ADGRE5: variants seen among roughly 807,000 people sequenced by gnomAD.
ADGRE5 encodes adhesion G protein-coupled receptor E5, also known as CD97 molecule.
A neutral mutation model predicts 100.3 loss-of-function variants in ADGRE5; 72 were observed. The ratio of observed to expected loss-of-function variants is 0.72; its 90% CI spans 0.59 to 0.87. The LOEUF is 0.87. ADGRE5 is among the 40% of genes least tolerant of loss of function. The probability of loss-of-function intolerance (pLI) is 0.00; values close to 1 mark genes in which losing one functional copy is unlikely to be tolerated. For synonymous variants in ADGRE5, 439 were observed against 447.8 expected (o/e 0.98, Z 0.25); for missense variants, 959 against 1,094.7 (o/e 0.88, Z 1.75).
Position 14,408,437 on chromosome 19 carries a change from C to A in ADGRE5, c.*316C>A, listed in dbSNP as rs1976379555. The A allele has an allele frequency of 7.0e-6, 4 of 573,068 alleles. No homozygotes were observed. In the East Asian group the frequency reaches 1.2e-4, roughly 17 times the overall value. The allele number at this position is 573,068 out of a possible 1,614,324, so 35.5% of individuals were successfully genotyped here. On this transcript the variant is annotated 3_prime_UTR_variant, in exon 20 of 20. Coordinates refer to ENST00000242786, the MANE Select transcript of ADGRE5 (RefSeq NM_078481.4). ...ACCTGTGGCCAGTACTCGGGACAGACTAAGGGCGCTTGTCCCATCCTGGAC... is the reference window on the plus strand; with the variant it reads ...ACCTGTGGCCAGTACTCGGGACAGAATAAGGGCGCTTGTCCCATCCTGGAC...
At chr19:14,404,205 A>C (rs925487084) in intron 12 of ADGRE5, among the ~76,000 whole-genome samples, 178 bp from the exon 13 acceptor site, 7 of 152,214 alleles carry the variant, frequency 4.6e-5, no homozygotes, top group Middle Eastern at 3.4e-3. Flanking sequence ...TGTCAACCTC[A>C]CAAGGGTAGG....
rs1447856696 is a variant in ADGRE5 at position 14,391,164 on chromosome 19, G to A, written c.346+85G>A. 3 of 1,574,840 alleles carry A rather than the reference G, an allele frequency of 1.9e-6. No homozygotes were observed. The Admixed American group carries it at 5.1e-5, about 27-fold the overall frequency. ...ATTCTGGCAGCATCCAGAGAGCAGG[G>A]CCTTGGTTGTAGGGTCAGTGCCTGG... On this transcript the variant is annotated intron_variant, in intron 4 of 19. Coordinates refer to ENST00000242786, the MANE Select transcript of ADGRE5 (RefSeq NM_078481.4).
Position 14,381,565 on chromosome 19 carries a change from G to C in ADGRE5, c.22+20G>C, listed in dbSNP as rs1212351380. The C allele has an allele frequency of 1.9e-6, 3 of 1,596,146 alleles. No homozygotes were observed. Among genetic ancestry groups the C allele is most frequent in the African/African-American group, 1.4e-5 (1 of 73,034 alleles). ...TTCTCGGTAAGTACTTTGGGGCCCC[G>C]CTGGGAGGGGCGAGGAAGCTCCAGC... On this transcript the variant is annotated intron_variant, in intron 1 of 19. Transcript: ENST00000242786.
chr19:14,407,905 C>T lies in ADGRE5; in HGVS notation c.2377-3C>T. On this transcript the variant is annotated splice_region_variant and splice_polypyrimidine_tract_variant and intron_variant, in intron 18 of 19. Coordinates refer to ENST00000242786, the MANE Select transcript of ADGRE5 (RefSeq NM_078481.4). ...TGCCCTGACTTGGTGTCTGGGCCGG[C>T]AGGTTCGGGAAGAATACCGGAAGTG... 3 of 1,613,782 alleles carry T rather than the reference C, an allele frequency of 1.9e-6. No individual in the cohort carries two copies. Among genetic ancestry groups the T allele is most frequent in the South Asian group, 2.2e-5 (2 of 91,054 alleles).
chr19:14,389,360 A>AAGGGGGAAGGGGAGGGGGG, intron 3 of ADGRE5, among the ~76,000 whole-genome samples: 1 of 36,002 alleles, frequency 2.8e-5, no homozygotes, highest in East Asian at 1.2e-3. Context: ...GGGGAGGGGG[A>AAGGGGGAAGGGGAGGGGGG]TGAGGAGGGA....
chr19:14,398,801 CT>C (rs984624355), intron 9 of ADGRE5, among the ~76,000 whole-genome samples: 6 of 149,116 alleles, frequency 4.0e-5, no homozygotes, highest in Admixed American at 4.0e-4. Context: ...GTTTTCTCAT[CT>C]GTTTTGGGGG....
At chr19:14,390,571 G>T (rs540225062) in intron 3 of ADGRE5, among the ~76,000 whole-genome samples, 14 of 152,068 alleles carry the variant, frequency 9.2e-5, no homozygotes, top group Non-Finnish European at 1.3e-4. Flanking sequence ...GGATCCACCT[G>T]CCTCAGCCTC....
chr19:14,387,445 T>C (rs1376254218), intron 1 of ADGRE5, among the ~76,000 whole-genome samples: 2 of 152,126 alleles, frequency 1.3e-5, no homozygotes, highest in Admixed American at 6.5e-5. Context: ...GAATTATTTT[T>C]AGGCCGGCCA....
intron 3 of ADGRE5, among the ~76,000 whole-genome samples, chr19:14,389,202 GGGT>G (rs1568308503): frequency 3.0e-5 from 1 of 33,154 alleles, no homozygotes; most frequent in Non-Finnish European, 5.7e-5. Flanking sequence ...AGAGGGAGAG[GGGT>G]AGGGGGAGGG....
intron 1 of ADGRE5, 143 bp downstream of exon 1, chr19:14,381,688 A>G (rs1975163123): frequency 8.0e-6 from 8 of 998,006 alleles, no homozygotes; most frequent in Non-Finnish European, 1.2e-5. Flanking sequence ...ACTCACGGGC[A>G]CACGGCGAGA....
At position 14,382,732 on chromosome 19, in the gene ADGRE5, A is replaced by G. The variant is rs530579534; in HGVS notation, c.22+1187A>G. Among the ~76,000 whole-genome samples the G allele has an allele frequency of 3.9e-3, 584 of 150,534 alleles. 7 individuals are homozygous for G. The highest frequency in any genetic ancestry group is 0.014 in the African/African-American group (564 of 41,028). On this transcript the variant is annotated intron_variant, in intron 1 of 19. Coordinates refer to ENST00000242786, the MANE Select transcript of ADGRE5 (RefSeq NM_078481.4). Reference sequence around the variant, plus strand: ...AAATTTTTTTTTTTTTTTTTGAGACAAAGTCTCGCTCTTGTCGCTCAGGCT... The same window carrying G: ...AAATTTTTTTTTTTTTTTTTGAGACGAAGTCTCGCTCTTGTCGCTCAGGCT...
chr19:14,389,743 A>G (rs1975527275), intron 3 of ADGRE5, among the ~76,000 whole-genome samples: 1 of 150,426 alleles, frequency 6.6e-6, no homozygotes, highest in African/African-American at 2.4e-5. Context: ...TCTCAAAAAA[A>G]AAAAAGAGAG....
intron 3 of ADGRE5, among the ~76,000 whole-genome samples, chr19:14,389,771 A>G (rs1163799157): frequency 3.5e-5 from 5 of 143,754 alleles, no homozygotes; most frequent in Non-Finnish European, 7.6e-5. Context: ...GAAGGAGAGA[A>G]AGAGAAAGAA....
chr19:14,388,778 T>G lies in ADGRE5; in HGVS notation c.150T>G (p.Ser50=). The G allele has an allele frequency of 6.2e-7, 1 of 1,613,924 alleles. No homozygotes were observed. Among genetic ancestry groups the G allele is most frequent in the Non-Finnish European group, 8.5e-7 (1 of 1,180,004 alleles). ...TACRCNPGFS[S]FSEIITTPTE... ...GTCGCTGCAATCCAGGGTTCAGCTCTTTTTCTGAGATCATCACCACCCCGA... is the reference window on the plus strand; with the variant it reads ...GTCGCTGCAATCCAGGGTTCAGCTCGTTTTCTGAGATCATCACCACCCCGA... The change falls in exon 3 of 20, where the codon TCT becomes TCG. Residue 50 remains serine (S), a synonymous_variant. Transcript: ENST00000242786.
intron 1 of ADGRE5, among the ~76,000 whole-genome samples, chr19:14,383,184 C>T (rs970857144): frequency 2.6e-5 from 4 of 151,948 alleles, no homozygotes; most frequent in African/African-American, 9.7e-5. Flanking sequence ...GCCTGGGTGA[C>T]AGAGCAAGAT....
rs1976016186 is a variant in ADGRE5, at chr19:14,401,655, C to A, written c.1078C>A (p.Leu360Met). ...FTYISPSNTE[L>M]TLMIQERGDK... is the part of the protein sequence containing the mutation. ...CACAACTGCCCCTCTCCCCTCAGAGCTGACCCTGATGATCCAGGAGCGGGG... is the reference window on the plus strand; with the variant it reads ...CACAACTGCCCCTCTCCCCTCAGAGATGACCCTGATGATCCAGGAGCGGGG... The change falls in exon 11 of 20, where the codon CTG becomes ATG. Residue 360 changes from leucine to methionine, a missense_variant and splice_region_variant. Physicochemically the swap from Leu to Met is conservative, Grantham distance 15 (BLOSUM62 2). Coordinates refer to ENST00000242786, the MANE Select transcript of ADGRE5 (RefSeq NM_078481.4). This position sits in a 1 kb window ranked among gnomAD's most constrained non-coding sequence, Gnocchi z 4.1. 1.3e-6 allele frequency: 2 copies of A among 1,599,166 alleles called. No homozygotes were observed. Among genetic ancestry groups the A allele is most frequent in the Non-Finnish European group, 1.7e-6 (2 of 1,172,680 alleles).
rs1333007553 is a variant in ADGRE5, at chr19:14,407,160, T to A, written c.2307T>A (p.Tyr769Ter). 6.2e-7 allele frequency: 1 copy of A among 1,614,156 alleles called. No individual in the cohort carries two copies. The highest frequency in any genetic ancestry group is 1.3e-5 in the African/African-American group (1 of 75,056). ...ACGATCGGAGCTTGGTGCTGACCTA[T>A]GTGTTTACCATCCTCAACTGCCTGC... ...IFDDRSLVLT[Y>*]VFTILNCLQG... Residue 769 changes from tyrosine to a stop codon, truncating the protein, a stop_gained, in exon 18 of 20, where the codon TAT becomes TAA. Coordinates refer to ENST00000242786, the MANE Select transcript of ADGRE5 (RefSeq NM_078481.4). LOFTEE classifies it high-confidence loss of function.
At chr19:14,387,251 A>G (rs1482306728) in intron 1 of ADGRE5, among the ~76,000 whole-genome samples, 1 of 151,894 alleles carries the variant, frequency 6.6e-6, no homozygotes, top group Non-Finnish European at 1.5e-5. Context: ...CACACACCCC[A>G]GGTCAGAAGA....
rs932516230 is a variant in ADGRE5, at chr19:14,393,914, T to A, written c.347-2428T>A. On this transcript the variant is annotated intron_variant, in intron 4 of 19. Transcript: ENST00000242786. ...ATCCCCCTCTCCCGGTGGATACATT[T>A]GACAAACAAAAAGTGGGCTGGTTTT... is the stretch of plus-strand genomic sequence containing the variant. Among the ~76,000 whole-genome samples the A allele has an allele frequency of 3.9e-5, 6 of 152,266 alleles. No homozygotes were observed. In the East Asian group the frequency reaches 1.2e-3, roughly 29 times the overall value.
Sources: gnomAD v4.1 joint callset for allele counts (sites outside exome capture counted in the v4.1 genomes callset) on GRCh38, gnomAD v4.1.1 for gene constraint, Gnocchi (gnomAD v3.1) non-coding constraint, MANE v1.5 for transcripts, NCBI Gene and HGNC (gene_info 2026-07-23, HGNC 2026-07-21) for gene names.